PSME4: variants seen among roughly 807,000 people sequenced by gnomAD.
PSME4 encodes proteasome activator subunit 4.
PSME4 carries 89 observed loss-of-function variants against 253.9 expected under a neutral mutation model. That is an observed-to-expected ratio of 0.35 (90% CI 0.30 to 0.42). The LOEUF (loss-of-function observed/expected upper bound fraction) is 0.42. Among genes scored for constraint, PSME4 ranks in the 10% least tolerant of loss-of-function variants. The pLI is 1.00. For synonymous variants in PSME4, 851 were observed against 759.2 expected, an observed-to-expected ratio of 1.12 and a Z score of -1.99; for missense variants, 2,014 against 2,195.2, an observed-to-expected ratio of 0.92 and a Z score of 1.65.
chr2:53,887,164 C>G (rs1679678629), intron 40 of PSME4, 95 bp downstream of exon 40: 2 of 1,127,878 alleles, frequency 1.8e-6, no homozygotes, highest in Non-Finnish European at 2.6e-6. Flanking sequence ...TTCATTATGT[C>G]TATTTTACCA....
At chr2:53,935,229 A>T (rs1669046959) in intron 7 of PSME4, among the ~76,000 whole-genome samples, 1 of 152,250 alleles carries the variant, frequency 6.6e-6, no homozygotes, top group Non-Finnish European at 1.5e-5. Context: ...CAATCACTTA[A>T]CAATTATAAT....
At chr2:53,917,869 G>A (rs966583691) in intron 20 of PSME4, among the ~76,000 whole-genome samples, 1 of 152,044 alleles carries the variant, frequency 6.6e-6, no homozygotes, top group Non-Finnish European at 1.5e-5. Flanking sequence ...GTACAACTGC[G>A]CTTATATCAA....
In PSME4 at chr2:53,939,999, A is replaced by C; in HGVS notation, c.502T>G (p.Ser168Ala). Residue 168 changes from serine to alanine, a missense_variant and splice_region_variant, in exon 4 of 47, where the codon TCT becomes GCT. Ser to Ala is a moderately conservative substitution (Grantham distance 99). Transcript: ENST00000404125. ...AGTGTTTTGAGAATATTTTCTACAG[A>C]ACTGGGGGGGGAAAGCCATTTGATA... ...EHLGLNWFPNSVENILKTLVK... is the reference protein window; with the variant it reads ...EHLGLNWFPNAVENILKTLVK... 6.3e-7 allele frequency: 1 copy of C among 1,581,604 alleles called. No individual in the cohort carries two copies.
At position 53,967,649 on chromosome 2, in the gene PSME4, C is replaced by CAAA. The variant is rs71408747; in HGVS notation, c.242+2891_242+2893dup. ...TCTGGGCAACAGAGTGAGATTGTCT[C>CAAA]AAAAAAAAAAAAAAAAAAAAAAAAA... On this transcript the variant is annotated intron_variant, in intron 1 of 46. Transcript: ENST00000404125. Among the ~76,000 whole-genome samples, 107 of 21,548 alleles carry CAAA rather than the reference C, an allele frequency of 5.0e-3. 16 individuals are homozygous for CAAA. Among genetic ancestry groups the CAAA allele is most frequent in the African/African-American group, 0.018 (94 of 5,324 alleles). The allele number at this position is 21,548 out of a possible 152,430, so 14.1% of individuals were successfully genotyped here. A position where few individuals can be genotyped will look rare whatever the true frequency, so the allele number is the denominator to read the frequency against.
chr2:53,955,992 C>A (rs1426560242), intron 1 of PSME4, among the ~76,000 whole-genome samples: 2 of 152,034 alleles, frequency 1.3e-5, no homozygotes, highest in Non-Finnish European at 2.9e-5. Flanking sequence ...GAGCCAGGTA[C>A]AGTGGCTCAC....
At chr2:53,935,719 T>C (rs567288593) in intron 7 of PSME4, among the ~76,000 whole-genome samples, 1 of 152,110 alleles carries the variant, frequency 6.6e-6, no homozygotes, top group Non-Finnish European at 1.5e-5. Flanking sequence ...TATGATACCT[T>C]AATATGGTCT....
At chr2:53,896,767 T>C (rs890641988) in intron 32 of PSME4, 37 bp downstream of exon 32, 27 of 1,500,906 alleles carry the variant, frequency 1.8e-5, no homozygotes, top group African/African-American at 1.1e-4. Flanking sequence ...CTGAGTTTTA[T>C]TGGAAAGCAC....
chr2:53,930,194 T>C (rs1668760920), intron 10 of PSME4, among the ~76,000 whole-genome samples: 1 of 152,212 alleles, frequency 6.6e-6, no homozygotes, highest in South Asian at 2.1e-4. Flanking sequence ...TATGCTGATA[T>C]TACATTTGTC....
At position 53,934,522 on chromosome 2, in the gene PSME4, A is replaced by G. The variant is rs978287610; in HGVS notation, c.957+83T>C. On this transcript the variant is annotated intron_variant, in intron 8 of 46. Coordinates refer to ENST00000404125, the MANE Select transcript of PSME4 (RefSeq NM_014614.3). ...GTCACCAACCAAGCCACTATTATCA[A>G]CTTCTGCGACTATCCACAATTTTTG... The G allele has an allele frequency of 4.6e-5, 65 of 1,398,136 alleles. No homozygotes were observed. In the African/African-American group the frequency reaches 6.9e-4, roughly 15 times the overall value. 86.6% of individuals were successfully genotyped at this position (1,398,136 alleles called of 1,614,324 possible).
intron 37 of PSME4, among the ~76,000 whole-genome samples, chr2:53,889,812 A>G (rs1219792760): frequency 6.6e-6 from 1 of 152,204 alleles, no homozygotes; most frequent in East Asian, 1.9e-4. Flanking sequence ...ACAGCAGAGA[A>G]GATATAATAA....
In PSME4 at chr2:53,888,776, CA is replaced by C. The variant is rs1480233757; in HGVS notation, c.4332del (p.Phe1444LeufsTer9). On this transcript the variant is annotated frameshift_variant, in exon 38 of 47. Coordinates refer to ENST00000404125, the MANE Select transcript of PSME4 (RefSeq NM_014614.3). LOFTEE classifies it high-confidence loss of function. Reference sequence around the variant, plus strand: ...CTCAATGGTGATTCCAACAGCAGTTCAAAAAGCCAGTGAAGTTTCCGGGGAT... The same window carrying C: ...CTCAATGGTGATTCCAACAGCAGTTCAAAAGCCAGTGAAGTTTCCGGGGAT... ...SRDPRKLHWL[F>X]ELLLESPLSG... 1 of 1,613,164 alleles carries C rather than the reference CA, an allele frequency of 6.2e-7. No individual in the cohort carries two copies. Among genetic ancestry groups the C allele is most frequent in the Non-Finnish European group, 8.5e-7 (1 of 1,179,322 alleles).
rs754322361 is a variant in PSME4 at position 53,970,713 on chromosome 2, C to T, written c.72G>A (p.Arg24=). 1.9e-6 allele frequency: 3 copies of T among 1,548,526 alleles called. No homozygotes were observed. Among genetic ancestry groups the T allele is most frequent in the Non-Finnish European group, 2.6e-6 (3 of 1,146,302 alleles). Reference sequence around the variant, plus strand: ...CGATCTCCTTCTGCGGGACGAAGCCCCGCGGGCCCGGCTCGGGACGCCCGC... The same window carrying T: ...CGATCTCCTTCTGCGGGACGAAGCCTCGCGGGCCCGGCTCGGGACGCCCGC... The part of the protein sequence containing the change: ...EPGGRPEPGP[R]GFVPQKEIVY... The change falls in exon 1 of 47, where the codon CGG becomes CGA. Residue 24 remains arginine, a synonymous_variant. Coordinates refer to ENST00000404125, the MANE Select transcript of PSME4 (RefSeq NM_014614.3).
intron 10 of PSME4, among the ~76,000 whole-genome samples, chr2:53,929,915 G>A (rs1405291859): frequency 6.6e-6 from 1 of 152,032 alleles, no homozygotes; most frequent in African/African-American, 2.4e-5. Flanking sequence ...CTACTCGGAA[G>A]GCTGAGACAG....
chr2:53,894,276 T>TC (rs1350017779), intron 34 of PSME4, among the ~76,000 whole-genome samples: 1 of 152,194 alleles, frequency 6.6e-6, no homozygotes, highest in East Asian at 1.9e-4. Flanking sequence ...TTCTTTTTTT[T>TC]CTTTTCTTTT....
At chr2:53,958,302 G>C (rs1158317563) in intron 1 of PSME4, among the ~76,000 whole-genome samples, 1 of 151,902 alleles carries the variant, frequency 6.6e-6, no homozygotes, top group African/African-American at 2.4e-5. Context: ...ATTGCAGTGA[G>C]CTGAGATAGC....
chr2:53,903,890 G>T, intron 27 of PSME4, 135 bp downstream of exon 27: 1 of 698,320 alleles, frequency 1.4e-6, no homozygotes, highest in Non-Finnish European at 2.3e-6. Flanking sequence ...ACAGATATGC[G>T]ATAAAGCAAA....
intron 1 of PSME4, among the ~76,000 whole-genome samples, chr2:53,952,232 T>G (rs917590022): frequency 2.2e-4 from 33 of 151,792 alleles, no homozygotes; most frequent in South Asian, 1.0e-3. Flanking sequence ...GATTAGGAGT[T>G]CGAGACCACC....
At chr2:53,892,688 A>T in intron 36 of PSME4, 120 bp downstream of exon 36, 1 of 900,826 alleles carries the variant, frequency 1.1e-6, no homozygotes, top group Non-Finnish European at 1.6e-6. Flanking sequence ...ATATCGGCAT[A>T]TTTCATATCA....
chr2:53,910,058 G>C lies in PSME4; in HGVS notation c.2572+17C>G, dbSNP rs772530641. 3.8e-6 allele frequency: 6 copies of C among 1,576,180 alleles called. No homozygotes were observed. The Admixed American group carries it at 6.7e-5, about 18-fold the overall frequency. On this transcript the variant is annotated intron_variant, in intron 21 of 46. Coordinates refer to ENST00000404125, the MANE Select transcript of PSME4 (RefSeq NM_014614.3). ...AAAATAATCCACACAGATTTACTCA[G>C]ATTAGGATTCACATACCATATTCAA...
Sources: gnomAD v4.1 joint callset for allele counts (sites outside exome capture counted in the v4.1 genomes callset) on GRCh38, gnomAD v4.1.1 for gene constraint, MANE v1.5 for transcripts, NCBI Gene and HGNC (gene_info 2026-07-23, HGNC 2026-07-21) for gene names.